TRIM24: variants seen among roughly 807,000 people sequenced by gnomAD.
TRIM24 encodes the protein transcription intermediary factor 1-alpha.
Under a neutral mutation model 123.9 loss-of-function variants are expected in TRIM24, and 29 were observed. The observed-to-expected ratio is 0.23, with a 90% CI of 0.17 to 0.32. The LOEUF is 0.32. TRIM24 is among the 10% of genes least tolerant of loss of function. The pLI is 1.00. For missense variants in TRIM24, 932 were observed against 1,295.3 expected (o/e 0.72, Z 4.31); for synonymous variants, 456 against 461.1 (o/e 0.99, Z 0.14).
rs1172050221 is a variant in TRIM24, at chr7:138,529,184, T to G, written c.950T>G (p.Met317Arg). The G allele has an allele frequency of 6.3e-7, 1 of 1,578,002 alleles. No individual in the cohort carries two copies. The highest frequency in any genetic ancestry group is 2.3e-5 in the East Asian group (1 of 43,116). The change falls in exon 6 of 19, where the codon ATG becomes AGG. Residue 317 changes from methionine (M) to arginine (R), a missense_variant. Met to Arg is a moderately conservative substitution (Grantham distance 91). Coordinates refer to ENST00000343526, the MANE Select transcript of TRIM24 (RefSeq NM_015905.3). ...QDIKVAIFTL[M>R]VEINKKGKAL... ...ATTAAAGTTGCTATATTTACACTGA[T>G]GGTAGAAATAAATAAAAAAGGAAAA...
chr7:138,496,244 A>G (rs1234231102), intron 1 of TRIM24, among the ~76,000 whole-genome samples: 2 of 152,166 alleles, frequency 1.3e-5, no homozygotes, highest in African/African-American at 2.4e-5. Context: ...TAATGTCTCT[A>G]TTTAGGTCTT....
At chr7:138,517,732 C>CT (rs1651525167) in intron 3 of TRIM24, among the ~76,000 whole-genome samples, 1 of 151,962 alleles carries the variant, frequency 6.6e-6, no homozygotes, top group Non-Finnish European at 1.5e-5. Context: ...CTAGATAATT[C>CT]TTTATCGTTG....
intron 2 of TRIM24, among the ~76,000 whole-genome samples, chr7:138,510,391 G>A (rs1377762676): frequency 1.3e-5 from 2 of 152,020 alleles, no homozygotes; most frequent in Admixed American, 1.3e-4. Flanking sequence ...ATCAAATCAT[G>A]TGTGTGTGTG....
At position 138,584,708 on chromosome 7, in the gene TRIM24, CCTTT is replaced by C. The variant is rs752607522; in HGVS notation, c.2944-33_2944-30del. The C allele has an allele frequency of 2.0e-6, 3 of 1,522,492 alleles. No homozygotes were observed. In the South Asian group the frequency reaches 3.7e-5, roughly 19 times the overall value. 94.3% of individuals were successfully genotyped at this position (1,522,492 alleles called of 1,614,324 possible). A position where few individuals can be genotyped will look rare whatever the true frequency, so the allele number is the denominator to read the frequency against. On this transcript the variant is annotated intron_variant, in intron 18 of 18. Transcript: ENST00000343526. ...ATAATCTCAGAAGTCAAAAGTGTGT[CCTTT>C]TTTTACTCATTTTTATTTTTACTCC...
rs374397043 is a variant in TRIM24, at chr7:138,543,564, C to T, written c.1143+4761C>T. On this transcript the variant is annotated intron_variant, in intron 7 of 18. Coordinates refer to ENST00000343526, the MANE Select transcript of TRIM24 (RefSeq NM_015905.3). ...ATTTTATGTGCTTAAAAAATGGAAA[C>T]GAAATGCCTAGCAGCCCTGAAACCT... 3.4e-3 allele frequency among the ~76,000 whole-genome samples: 514 copies of T among 152,116 alleles called. 3 individuals are homozygous for T. The highest frequency in any genetic ancestry group is 0.012 in the African/African-American group (490 of 41,504).
chr7:138,523,986 T>G (rs957542025), intron 4 of TRIM24, among the ~76,000 whole-genome samples: 1 of 152,122 alleles, frequency 6.6e-6, no homozygotes, highest in African/African-American at 2.4e-5. Context: ...AAACTTGCCT[T>G]AAATCTCGTA....
chr7:138,550,112 T>TATGTTAGCCAGTCAGCCTTA (rs1417357773), intron 7 of TRIM24, among the ~76,000 whole-genome samples: 1 of 152,160 alleles, frequency 6.6e-6, no homozygotes. Flanking sequence ...AGAAATGTCA[T>TATGTTAGCCAGTCAGCCTTA]ATGTTAGCCA....
At chr7:138,466,758 C>T (rs916095891) in intron 1 of TRIM24, among the ~76,000 whole-genome samples, 3 of 151,958 alleles carry the variant, frequency 2.0e-5, no homozygotes, top group East Asian at 1.9e-4. Flanking sequence ...CTTGCATGCT[C>T]ATTTTCTTGG....
intron 1 of TRIM24, among the ~76,000 whole-genome samples, chr7:138,502,557 A>C (rs981708619): frequency 2.6e-5 from 4 of 152,212 alleles, no homozygotes; most frequent in Admixed American, 1.3e-4. Flanking sequence ...GAGTGTGCAC[A>C]TGACATGTCA....
chr7:138,519,532 G>A (rs1796464916), intron 4 of TRIM24, among the ~76,000 whole-genome samples: 2 of 152,084 alleles, frequency 1.3e-5, no homozygotes, highest in African/African-American at 4.8e-5. Context: ...GCATTATATG[G>A]TGGTCAGCAT....
At chr7:138,510,535 C>T (rs7806963) in intron 2 of TRIM24, among the ~76,000 whole-genome samples, 51,040 of 151,954 alleles carry the variant, frequency 0.34, 9,270 homozygotes, top group African/African-American at 0.42. Flanking sequence ...AATTCTTCTG[C>T]CTCAGCCTCC....
intron 9 of TRIM24, chr7:138,556,396 C>T (rs1014481389): frequency 1.3e-5 from 2 of 151,976 alleles, no homozygotes; most frequent in Admixed American, 6.6e-5. Context: ...GCAGTTGACC[C>T]AGGTGAGGAT....
Position 138,534,179 on chromosome 7 carries a change from A to G in TRIM24, c.997-4478A>G, listed in dbSNP as rs543970401. Among the ~76,000 whole-genome samples the G allele has an allele frequency of 1.5e-3, 228 of 152,026 alleles. 1 individual carries two copies. Among genetic ancestry groups the G allele is most frequent in the African/African-American group, 2.0e-3 (84 of 41,462 alleles). On this transcript the variant is annotated intron_variant, in intron 6 of 18. Coordinates refer to ENST00000343526, the MANE Select transcript of TRIM24 (RefSeq NM_015905.3). ...AAAAAACCAGCTCCTGGATTCATCA[A>G]TTTTTTTGAAGGGTTTTTTGTGTCT...
At chr7:138,504,553 C>G (rs1217303465) in intron 2 of TRIM24, 145 bp downstream of exon 2, 3 of 481,962 alleles carry the variant, frequency 6.2e-6, no homozygotes, top group Non-Finnish European at 1.1e-5. Context: ...AGCTCCTCCC[C>G]ACAGGTTCAC....
intron 9 of TRIM24, among the ~76,000 whole-genome samples, chr7:138,560,893 G>A (rs1797413073): frequency 6.6e-6 from 1 of 152,154 alleles, no homozygotes. Context: ...TTGCCTCCAT[G>A]TCTGCTTTTC....
At chr7:138,540,057 C>A (rs1447164490) in intron 7 of TRIM24, among the ~76,000 whole-genome samples, 2 of 152,142 alleles carry the variant, frequency 1.3e-5, no homozygotes, top group Non-Finnish European at 2.9e-5. Context: ...GCCTTCGCCT[C>A]CCAAAGTTCT....
At chr7:138,570,721 T>C (rs1797636424) in intron 10 of TRIM24, 109 bp from the exon 11 acceptor site, 2 of 1,057,414 alleles carry the variant, frequency 1.9e-6, no homozygotes, top group East Asian at 2.7e-5. Context: ...TCTCCTTCCA[T>C]GTAAATTACA....
chr7:138,467,061 T>G (rs749272022), intron 1 of TRIM24, among the ~76,000 whole-genome samples: 16 of 152,244 alleles, frequency 1.1e-4, no homozygotes, highest in Admixed American at 4.6e-4. Flanking sequence ...TTTGGCATTT[T>G]TATACAAAAA....
chr7:138,570,914 G>A lies in TRIM24; in HGVS notation c.1789G>A (p.Ala597Thr). The change falls in exon 11 of 19, where the codon GCA (alanine) becomes ACA (threonine). Residue 597 changes from alanine (A) to threonine (T), a missense_variant. Ala to Thr is a moderately conservative substitution (Grantham distance 58). Around this residue, in one of 7 missense-constraint regions of TRIM24, gnomAD observed 527 missense variants for 691.3 expected, o/e 0.76. Coordinates refer to ENST00000343526, the MANE Select transcript of TRIM24 (RefSeq NM_015905.3). ...TTCCAGCCCCACGATTACTAGTGCAGCAGGATATGATGGAAAGGCTTTTGG... is the reference window on the plus strand; with the variant it reads ...TTCCAGCCCCACGATTACTAGTGCAACAGGATATGATGGAAAGGCTTTTGG... ...TPSSPTITSA[A>T]GYDGKAFGSP... is the part of the protein sequence containing the mutation. 6.2e-7 allele frequency: 1 copy of A among 1,614,128 alleles called. No homozygotes were observed. Among genetic ancestry groups the A allele is most frequent in the Non-Finnish European group, 8.5e-7 (1 of 1,180,032 alleles).
Sources: gnomAD v4.1 joint callset for allele counts (sites outside exome capture counted in the v4.1 genomes callset) on GRCh38, gnomAD v4.1.1 for gene constraint, gnomAD v4.1.1 regional missense constraint, MANE v1.5 for transcripts, NCBI Gene and HGNC (gene_info 2026-07-23, HGNC 2026-07-21) for gene names.